The following ATP13A5 variants were observed in gnomAD, a reference collection of about 807,000 sequenced individuals.
ATP13A5 encodes probable cation-transporting ATPase 13A5.
Under a neutral mutation model 150.2 loss-of-function variants are expected in ATP13A5, and 149 were observed. The ratio of observed to expected loss-of-function variants is 0.99; its 90% CI spans 0.87 to 1.14. The LOEUF is 1.14. Ranked by LOEUF, ATP13A5 falls within the 50% of genes most tolerant of loss-of-function variation. The pLI is 0.00. For synonymous variants in ATP13A5, 497 were observed against 522.2 expected (o/e 0.95, Z 0.66); for missense variants, 1,383 against 1,449.3 (o/e 0.95, Z 0.74).
Position 193,364,207 on chromosome 3 carries a change from C to A in ATP13A5, c.137G>T (p.Gly46Val). The change falls in exon 2 of 30, where the codon GGC becomes GTC. Residue 46 changes from glycine (G) to valine (V), a missense_variant. Gly to Val is a moderately radical substitution (Grantham distance 109). Transcript: ENST00000342358. Reference protein sequence around the residue: ...CLVASVLTCGGLLLVFYWRPQ... With the variant: ...CLVASVLTCGVLLLVFYWRPQ... ...TCTCCAGTAGAACACCAGCAGAAGG[C>A]CCCCACAGGTCAGCACGGATGCGAC... The A allele has an allele frequency of 6.2e-7, 1 of 1,614,134 alleles. No individual in the cohort carries two copies. The highest frequency in any genetic ancestry group is 1.1e-5 in the South Asian group (1 of 91,078).
intron 7 of ATP13A5, among the ~76,000 whole-genome samples, chr3:193,347,569 C>T (rs1452589412): frequency 6.8e-6 from 1 of 148,014 alleles, no homozygotes; most frequent in Non-Finnish European, 1.5e-5. Context: ...CCAAATTCAG[C>T]TTAGCATAAG....
In ATP13A5 at chr3:193,321,729, T is replaced by C. The variant is rs2108862873; in HGVS notation, c.1867A>G (p.Met623Val). Residue 623 changes from methionine (M) to valine (V), a missense_variant, in exon 16 of 30, where the codon ATG becomes GTG. By Grantham distance (21) the Met-to-Val change is conservative. This residue lies in a region of ATP13A5 where 787 missense variants were observed against 771.9 expected (regional missense o/e 1.02). Coordinates refer to ENST00000342358, the MANE Select transcript of ATP13A5 (RefSeq NM_198505.4). ...GCCACCATTTCTGGGGCACCTTTCA[T>C]GTAGACATGGAAATGATTCTCCCCA... ...LAGENHFHVY[M>V]KGAPEMVARF... The C allele has an allele frequency of 3.7e-6, 6 of 1,614,196 alleles. No individual in the cohort carries two copies. Among genetic ancestry groups the C allele is most frequent in the South Asian group, 1.1e-5 (1 of 91,084 alleles).
intron 27 of ATP13A5, among the ~76,000 whole-genome samples, chr3:193,283,532 A>C (rs532474159): frequency 6.6e-6 from 1 of 152,178 alleles, no homozygotes; most frequent in East Asian, 1.9e-4. Context: ...ACTAAAACCA[A>C]ATAAGACACT....
intron 24 of ATP13A5, 150 bp from the exon 25 acceptor site, chr3:193,299,353 T>C: frequency 1.7e-6 from 1 of 594,076 alleles, no homozygotes; most frequent in Non-Finnish European, 2.9e-6. Context: ...ATTATTAGCA[T>C]CTCATTTTGT....
intron 27 of ATP13A5, among the ~76,000 whole-genome samples, chr3:193,280,857 T>C (rs1162324142): frequency 6.6e-6 from 1 of 152,192 alleles, no homozygotes; most frequent in Non-Finnish European, 1.5e-5. Context: ...ACACTCTACC[T>C]CATTTATTCA....
intron 28 of ATP13A5, among the ~76,000 whole-genome samples, chr3:193,277,344 C>T (rs1717267289): frequency 6.6e-6 from 1 of 152,152 alleles, no homozygotes; most frequent in Admixed American, 6.5e-5. Context: ...ACCCTCCAAA[C>T]CCACCAGTTT....
chr3:193,363,984 G>GA (rs1713139216), intron 2 of ATP13A5, 123 bp downstream of exon 2: 4 of 1,103,154 alleles, frequency 3.6e-6, no homozygotes, highest in Non-Finnish European at 5.2e-6. Context: ...TTGATCTATG[G>GA]AAACTCTTTA....
chr3:193,289,828 G>A (rs201596010), intron 26 of ATP13A5, 57 bp downstream of exon 26: 44 of 1,488,288 alleles, frequency 3.0e-5, no homozygotes, highest in Non-Finnish European at 3.7e-5. Context: ...GTTATGCAAT[G>A]TCATTGGATA....
chr3:193,328,358 A>C (rs1031996839), intron 12 of ATP13A5, among the ~76,000 whole-genome samples: 3 of 152,210 alleles, frequency 2.0e-5, no homozygotes, highest in Non-Finnish European at 4.4e-5. Context: ...CAACTTTTTG[A>C]AAAAGAGCTA....
In ATP13A5 at chr3:193,341,171, C is replaced by G. The variant is rs898185423; in HGVS notation, c.943+2756G>C. 1.4e-4 allele frequency among the ~76,000 whole-genome samples: 17 copies of G among 120,758 alleles called. No individual in the cohort carries two copies. The East Asian group carries it at 2.4e-3, about 17-fold the overall frequency. The allele number at this position is 120,758 out of a possible 152,430, so 79.2% of individuals were successfully genotyped here. A position where few individuals can be genotyped will look rare whatever the true frequency, so the allele number is the denominator to read the frequency against. ...ATTTCTAAATTAACATATTCCCCCCCCCTCCCAAATGATATTCCCTTTTGT... is the reference window on the plus strand; with the variant it reads ...ATTTCTAAATTAACATATTCCCCCCGCCTCCCAAATGATATTCCCTTTTGT... On this transcript the variant is annotated intron_variant, in intron 9 of 29. Transcript: ENST00000342358.
intron 22 of ATP13A5, among the ~76,000 whole-genome samples, chr3:193,305,940 G>A (rs1277192704): frequency 6.6e-6 from 1 of 151,970 alleles, no homozygotes. Context: ...CCCTGCCTGT[G>A]GGGATTATAG....
intron 12 of ATP13A5, 93 bp downstream of exon 12, chr3:193,331,030 T>G: frequency 1.5e-6 from 2 of 1,318,484 alleles, no homozygotes; most frequent in Non-Finnish European, 2.1e-6. Context: ...ATCTGTAAAA[T>G]GGGAACACTG....
intron 1 of ATP13A5, among the ~76,000 whole-genome samples, chr3:193,366,663 C>G (rs1413250535): frequency 6.6e-6 from 1 of 151,816 alleles, no homozygotes; most frequent in Non-Finnish European, 1.5e-5. Context: ...AGCACATCCC[C>G]CCTCTCAATA....
chr3:193,369,654 C>A (rs1226857038), intron 1 of ATP13A5, among the ~76,000 whole-genome samples: 1 of 151,922 alleles, frequency 6.6e-6, no homozygotes, highest in Non-Finnish European at 1.5e-5. Context: ...TAATAGTATC[C>A]AGAGGTGGTG....
intron 21 of ATP13A5, among the ~76,000 whole-genome samples, chr3:193,307,770 G>A (rs1202767378): frequency 3.3e-5 from 5 of 152,168 alleles, no homozygotes; most frequent in African/African-American, 1.2e-4. Context: ...GACTGTTGCT[G>A]AGCATTTACA....
intron 27 of ATP13A5, among the ~76,000 whole-genome samples, chr3:193,280,645 T>C (rs1406977577): frequency 1.3e-5 from 2 of 152,218 alleles, no homozygotes; most frequent in African/African-American, 4.8e-5. Flanking sequence ...ACAGCATCTC[T>C]GTTCTTATTT....
At chr3:193,305,899 G>T (rs1026937431) in intron 22 of ATP13A5, among the ~76,000 whole-genome samples, 2 of 152,064 alleles carry the variant, frequency 1.3e-5, no homozygotes, top group Non-Finnish European at 2.9e-5. Flanking sequence ...ACATGCATGC[G>T]TGTGTGCATG....
chr3:193,288,776 T>G (rs550158552), intron 26 of ATP13A5, among the ~76,000 whole-genome samples: 22 of 152,108 alleles, frequency 1.4e-4, no homozygotes, highest in Non-Finnish European at 3.1e-4. Context: ...CTAGATGGCC[T>G]GAATTATAGA....
chr3:193,318,203 T>A (rs892829060), intron 17 of ATP13A5, among the ~76,000 whole-genome samples: 3 of 152,212 alleles, frequency 2.0e-5, no homozygotes, highest in Admixed American at 2.0e-4. Flanking sequence ...TGGACTTAGG[T>A]TGCAAATAAT....
Sources: gnomAD v4.1 joint callset for allele counts (sites outside exome capture counted in the v4.1 genomes callset) on GRCh38, gnomAD v4.1.1 for gene constraint, gnomAD v4.1.1 regional missense constraint, MANE v1.5 for transcripts, NCBI Gene and HGNC (gene_info 2026-07-23, HGNC 2026-07-21) for gene names.